The following CNTN5 variants were observed in gnomAD, a reference collection of about 807,000 sequenced individuals.
CNTN5 encodes the protein contactin 5.
In CNTN5, 77 loss-of-function variants were observed where a neutral mutation model predicts 129.1. That is an observed-to-expected ratio of 0.60 (90% CI 0.50 to 0.72). The LOEUF is 0.72. Ranked by LOEUF, CNTN5 falls within the 30% of genes least tolerant of loss-of-function variation. CNTN5 has a pLI of 0.00. For missense variants in CNTN5, 1,478 were observed against 1,328.8 expected (o/e 1.11, Z -1.75); for synonymous variants, 509 against 465.6 (o/e 1.09, Z -1.20).
At chr11:99,112,122 A>C (rs1281701565) in intron 1 of CNTN5, among the ~76,000 whole-genome samples, 1 of 152,102 alleles carries the variant, frequency 6.6e-6, no homozygotes, top group Non-Finnish European at 1.5e-5. Flanking sequence ...ATCAAAGCCT[A>C]CAACAAATGT....
chr11:99,883,822 C>A (rs942286129), intron 6 of CNTN5, among the ~76,000 whole-genome samples: 1 of 152,148 alleles, frequency 6.6e-6, no homozygotes, highest in Non-Finnish European at 1.5e-5. Context: ...ATGTCCACAC[C>A]CTTTTCAGAC....
intron 3 of CNTN5, among the ~76,000 whole-genome samples, chr11:99,634,016 C>T (rs927112503): frequency 6.6e-6 from 1 of 152,108 alleles, no homozygotes; most frequent in Admixed American, 6.5e-5. Flanking sequence ...TACACTTTGT[C>T]TCATTCCAAA....
intron 1 of CNTN5, among the ~76,000 whole-genome samples, chr11:99,264,887 G>A (rs1336615596): frequency 6.6e-6 from 1 of 151,924 alleles, no homozygotes; most frequent in Non-Finnish European, 1.5e-5. Context: ...TGACAGGATA[G>A]GTAATATTGC....
intron 13 of CNTN5, among the ~76,000 whole-genome samples, chr11:100,100,510 C>A (rs976315186): frequency 1.3e-5 from 2 of 152,010 alleles, no homozygotes; most frequent in African/African-American, 4.8e-5. Flanking sequence ...GTATTCAATT[C>A]TTTGTCTCTC....
chr11:99,754,003 A>G (rs1319117764), intron 3 of CNTN5, among the ~76,000 whole-genome samples: 1 of 151,488 alleles, frequency 6.6e-6, no homozygotes, highest in Non-Finnish European at 1.5e-5. Flanking sequence ...AAAAAAATAA[A>G]TAACAACAAC....
chr11:99,190,693 A>C (rs1293779783), intron 1 of CNTN5, among the ~76,000 whole-genome samples: 1 of 151,578 alleles, frequency 6.6e-6, no homozygotes, highest in Non-Finnish European at 1.5e-5. Context: ...CAGAGAGTTC[A>C]ATGTTAGTGG....
intron 3 of CNTN5, among the ~76,000 whole-genome samples, chr11:99,760,936 A>C (rs892530748): frequency 2.0e-5 from 3 of 152,144 alleles, no homozygotes; most frequent in African/African-American, 7.2e-5. Flanking sequence ...AAATTTTCAA[A>C]AGAAAAAAAC....
At chr11:99,396,972 A>T (rs970513658) in intron 2 of CNTN5, among the ~76,000 whole-genome samples, 32 of 151,694 alleles carry the variant, frequency 2.1e-4, no homozygotes, top group African/African-American at 7.7e-4. Context: ...TGTCATTCCA[A>T]CTTTATAGAT....
At chr11:99,768,678 A>G (rs1218512879) in intron 3 of CNTN5, among the ~76,000 whole-genome samples, 8 of 152,140 alleles carry the variant, frequency 5.3e-5, no homozygotes, top group African/African-American at 1.2e-4. Flanking sequence ...TATGCAGACA[A>G]TGATACACAC....
chr11:99,172,034 T>C (rs1591309742), intron 1 of CNTN5, among the ~76,000 whole-genome samples: 1 of 152,300 alleles, frequency 6.6e-6, no homozygotes, highest in Admixed American at 6.5e-5. Flanking sequence ...ATTATATAAA[T>C]TCATGTCAGC....
At chr11:99,682,849 T>C (rs1286538454) in intron 3 of CNTN5, among the ~76,000 whole-genome samples, 1 of 151,918 alleles carries the variant, frequency 6.6e-6, no homozygotes, top group Non-Finnish European at 1.5e-5. Flanking sequence ...ACGGTGTTGT[T>C]TCATGTTGCT....
intron 4 of CNTN5, among the ~76,000 whole-genome samples, chr11:99,843,448 A>AT (rs892800644): frequency 5.9e-5 from 9 of 151,316 alleles, no homozygotes; most frequent in Admixed American, 1.3e-4. Context: ...TTTTCCCAGA[A>AT]TTTTTTTTTA....
intron 18 of CNTN5, among the ~76,000 whole-genome samples, chr11:100,285,385 T>A (rs1591475317): frequency 6.6e-6 from 1 of 152,078 alleles, no homozygotes; most frequent in Non-Finnish European, 1.5e-5. Flanking sequence ...TCCAGCCCAC[T>A]AGAACAACAG....
At position 100,216,832 on chromosome 11, in the gene CNTN5, T is replaced by C. The variant is rs541507704; in HGVS notation, c.1885-7860T>C. Among the ~76,000 whole-genome samples the C allele has an allele frequency of 8.5e-5, 13 of 152,262 alleles. No individual in the cohort carries two copies. In the East Asian group the frequency reaches 2.5e-3, roughly 29 times the overall value. On this transcript the variant is annotated intron_variant, in intron 15 of 24. Transcript: ENST00000524871. ...TTTATATTACTACACTTGCCAAATT[T>C]GAATTAACTAGTGCAAGTGAATGAA...
intron 3 of CNTN5, among the ~76,000 whole-genome samples, chr11:99,562,063 GT>G (rs1948861361): frequency 6.6e-6 from 1 of 152,244 alleles, no homozygotes; most frequent in Non-Finnish European, 1.5e-5. Flanking sequence ...AGAAAAATGT[GT>G]GTTTGCATAA....
In CNTN5 at chr11:100,356,356, A is replaced by G; in HGVS notation, c.*136A>G. The G allele has an allele frequency of 1.5e-6, 1 of 657,132 alleles. No individual in the cohort carries two copies. Among genetic ancestry groups the G allele is most frequent in the East Asian group, 2.7e-5 (1 of 36,760 alleles). The allele number at this position is 657,132 out of a possible 1,614,324, so 40.7% of individuals were successfully genotyped here. A position where few individuals can be genotyped will look rare whatever the true frequency, so the allele number is the denominator to read the frequency against. On this transcript the variant is annotated 3_prime_UTR_variant, in exon 25 of 25. Coordinates refer to ENST00000524871, the MANE Select transcript of CNTN5 (RefSeq NM_014361.4). ...TTGGGACTATACATGGTGAACTTAC[A>G]GGAGGTTAGGGGGGAAATATTACTT...
intron 10 of CNTN5, 71 bp downstream of exon 10, chr11:100,061,464 C>T (rs1372533333): frequency 5.2e-6 from 6 of 1,150,224 alleles, no homozygotes; most frequent in Non-Finnish European, 7.2e-6. Flanking sequence ...TTAACTTTAA[C>T]TAAATATTGT....
chr11:99,124,656 C>A (rs1176518294), intron 1 of CNTN5, among the ~76,000 whole-genome samples: 2 of 151,334 alleles, frequency 1.3e-5, no homozygotes. Flanking sequence ...AAGAGCTATA[C>A]AAATAATCAA....
chr11:99,585,019 AT>A (rs1949746225), intron 3 of CNTN5, among the ~76,000 whole-genome samples: 1 of 152,200 alleles, frequency 6.6e-6, no homozygotes, highest in African/African-American at 2.4e-5. Flanking sequence ...GAGCTAGACC[AT>A]TTCCCAATTC....
Sources: gnomAD v4.1 joint callset for allele counts (sites outside exome capture counted in the v4.1 genomes callset) on GRCh38, gnomAD v4.1.1 for gene constraint, MANE v1.5 for transcripts, NCBI Gene and HGNC (gene_info 2026-07-23, HGNC 2026-07-21) for gene names.